The following SLC7A8 variants were observed in gnomAD, a reference collection of about 807,000 sequenced individuals.
SLC7A8 encodes solute carrier family 7 member 8.
In SLC7A8, 30 loss-of-function variants were observed where a neutral mutation model predicts 51.2. That is an observed-to-expected ratio of 0.59 (90% CI 0.44 to 0.80). The LOEUF (loss-of-function observed/expected upper bound fraction) is 0.80, where lower values mean the gene tolerates loss of function less well. Among genes scored for constraint, SLC7A8 ranks in the 30% least tolerant of loss-of-function variants. The probability of loss-of-function intolerance (pLI) is 0.00; values close to 1 mark genes in which losing one functional copy is unlikely to be tolerated. For missense variants in SLC7A8, 612 were observed against 674.4 expected, an observed-to-expected ratio of 0.91 and a Z score of 1.03; for synonymous variants, 257 against 275.8, an observed-to-expected ratio of 0.93 and a Z score of 0.67.
At chr14:23,133,510 G>A (rs1396075863) in intron 7 of SLC7A8, among the ~76,000 whole-genome samples, 1 of 151,562 alleles carries the variant, frequency 6.6e-6, no homozygotes. Flanking sequence ...GTAAGAGGTC[G>A]ATAAAATGAA....
chr14:23,156,913 A>G (rs2048897047), intron 3 of SLC7A8, among the ~76,000 whole-genome samples: 1 of 152,246 alleles, frequency 6.6e-6, no homozygotes, highest in Non-Finnish European at 1.5e-5. Flanking sequence ...CACTATGGGA[A>G]TCAGGAAAGA....
intron 7 of SLC7A8, among the ~76,000 whole-genome samples, chr14:23,134,984 C>T (rs967016393): frequency 2.6e-5 from 4 of 152,102 alleles, no homozygotes; most frequent in Non-Finnish European, 4.4e-5. Context: ...CCAGGCTGGT[C>T]TGGAACTACT....
Position 23,128,332 on chromosome 14 carries a change from G to A in SLC7A8, c.1264-136C>T, listed in dbSNP as rs1258525953. ...CAAAGGCTGGGCTTCCCTCGGCTCT[G>A]TGGTCCCACACTCACCCCTGGTAGG... On this transcript the variant is annotated intron_variant, in intron 9 of 10. Transcript: ENST00000316902. The surrounding 1 kb of genome is among the most constrained non-coding windows in gnomAD (Gnocchi z 4.3). The A allele has an allele frequency of 6.5e-7, 1 of 1,542,634 alleles. No homozygotes were observed. Among genetic ancestry groups the A allele is most frequent in the African/African-American group, 1.4e-5 (1 of 73,246 alleles).
chr14:23,155,270 C>A lies in SLC7A8; in HGVS notation c.508+10015G>T, dbSNP rs910344099. 4.6e-6 allele frequency: 7 copies of A among 1,536,006 alleles called. No individual in the cohort carries two copies. The African/African-American group carries it at 9.6e-5, about 21-fold the overall frequency. On this transcript the variant is annotated intron_variant, in intron 3 of 10. Coordinates refer to ENST00000316902, the MANE Select transcript of SLC7A8 (RefSeq NM_012244.4). ...GACACACCAGCAGAGGAGGAGGGTG[C>A]AGAGAAGCTGTGAGGGCTGTGAGTG...
chr14:23,170,380 G>A (rs1213079510), intron 1 of SLC7A8, among the ~76,000 whole-genome samples: 1 of 152,136 alleles, frequency 6.6e-6, no homozygotes, highest in African/African-American at 2.4e-5. Flanking sequence ...TGAAAAAGAC[G>A]AACTGGGAAA....
At chr14:23,155,543 A>C (rs1256483262) in intron 3 of SLC7A8, 5 of 1,251,968 alleles carry the variant, frequency 4.0e-6, no homozygotes, top group Non-Finnish European at 5.0e-6. Context: ...GCATGAGCTA[A>C]ACATGGCTCC....
intron 3 of SLC7A8, chr14:23,155,044 T>G: frequency 1.7e-6 from 1 of 580,382 alleles, no homozygotes; most frequent in Non-Finnish European, 2.6e-6. Context: ...CCTCATAAAC[T>G]GCGCTTTGAT....
chr14:23,170,272 C>T (rs2048969287), intron 1 of SLC7A8, among the ~76,000 whole-genome samples: 1 of 152,196 alleles, frequency 6.6e-6, no homozygotes, highest in Admixed American at 6.5e-5. Context: ...CTCCATGATT[C>T]CATGCTGCCT....
intron 1 of SLC7A8, among the ~76,000 whole-genome samples, chr14:23,171,487 C>G (rs995270613): frequency 6.6e-6 from 1 of 152,188 alleles, no homozygotes; most frequent in African/African-American, 2.4e-5. Flanking sequence ...CTTGTCCACA[C>G]GAGAATGTTA....
intron 1 of SLC7A8, among the ~76,000 whole-genome samples, chr14:23,178,907 AAAT>A (rs1190204452): frequency 1.3e-5 from 2 of 151,092 alleles, no homozygotes; most frequent in Non-Finnish European, 3.0e-5. Flanking sequence ...AAAAAAAAAA[AAAT>A]GAAGATGAGG....
At chr14:23,137,637 C>T (rs1002259121) in intron 7 of SLC7A8, among the ~76,000 whole-genome samples, 3 of 152,186 alleles carry the variant, frequency 2.0e-5, no homozygotes, top group South Asian at 4.1e-4. Context: ...GGCAGGCTGG[C>T]GGCCTCCTCT....
At chr14:23,147,066 T>A (rs1263253968) in intron 3 of SLC7A8, 1 of 30,332 alleles carries the variant, frequency 3.3e-5, no homozygotes, top group Non-Finnish European at 7.9e-5. Context: ...CTTTGAAATG[T>A]GAGGGGCTTT....
At chr14:23,176,210 C>A (rs149254131) in intron 1 of SLC7A8, among the ~76,000 whole-genome samples, 1 of 152,164 alleles carries the variant, frequency 6.6e-6, no homozygotes, top group African/African-American at 2.4e-5. Flanking sequence ...TGGTATAGAC[C>A]ACATGGGTGT....
rs778272529 is a variant in SLC7A8 at position 23,143,105 on chromosome 14, A to C, written c.608T>G (p.Ile203Ser). The C allele has an allele frequency of 6.2e-6, 10 of 1,614,168 alleles. No individual in the cohort carries two copies. The highest frequency in any genetic ancestry group is 8.5e-6 in the Non-Finnish European group (10 of 1,180,022). The change falls in exon 4 of 11, where the codon ATC becomes AGC. Residue 203 changes from isoleucine to serine, a missense_variant. Transcript: ENST00000316902. ...GKLLALALII[I>S]MGIVQICKGE... ...TTTGCATATCTGTACAATCCCCATG[A>C]TGATAATCAGGGCCAAGGCCAGGAG...
chr14:23,147,150 T>C (rs1241471942), intron 3 of SLC7A8, among the ~76,000 whole-genome samples: 6 of 149,718 alleles, frequency 4.0e-5, no homozygotes, highest in South Asian at 2.1e-4. Flanking sequence ...CATCCATGCA[T>C]CCATCCACCC....
chr14:23,132,063 GCTGCAATCTCGGCTCA>G (rs1435668376), intron 7 of SLC7A8, among the ~76,000 whole-genome samples: 1 of 139,974 alleles, frequency 7.1e-6, no homozygotes, highest in Non-Finnish European at 1.5e-5. Context: ...GGAGTGCAGT[GCTGCAATCTCGGCTCA>G]CTGCAACCTC....
intron 1 of SLC7A8, among the ~76,000 whole-genome samples, chr14:23,179,723 C>T (rs1394449953): frequency 1.3e-5 from 2 of 151,760 alleles, no homozygotes. Flanking sequence ...GTGGAAGGAT[C>T]GCTTGAGCCC....
At chr14:23,140,149 C>T (rs1050241430) in intron 5 of SLC7A8, among the ~76,000 whole-genome samples, 2 of 152,200 alleles carry the variant, frequency 1.3e-5, no homozygotes, top group African/African-American at 4.8e-5. Context: ...GACACCAAGA[C>T]CGGCCTGTCC....
chr14:23,153,532 C>T (rs1004512854), intron 3 of SLC7A8, among the ~76,000 whole-genome samples: 1 of 152,158 alleles, frequency 6.6e-6, no homozygotes, highest in Non-Finnish European at 1.5e-5. Flanking sequence ...TTAGCCCCAG[C>T]CTGGACTGCT....
Sources: allele counts gnomAD v4.1 joint callset (sites outside exome capture counted in the v4.1 genomes callset), GRCh38; gene constraint gnomAD v4.1.1; non-coding constraint Gnocchi (gnomAD v3.1); transcripts MANE v1.5; gene names NCBI Gene and HGNC (gene_info 2026-07-23, HGNC 2026-07-21).